The following TMTC2 variants were observed in gnomAD, a reference collection of about 807,000 sequenced individuals.
TMTC2 encodes transmembrane O-mannosyltransferase targeting cadherins 2.
Under a neutral mutation model 82.4 loss-of-function variants are expected in TMTC2, and 43 were observed. That is an observed-to-expected ratio of 0.52 (90% CI 0.41 to 0.67). The LOEUF is 0.67. Among genes scored for constraint, TMTC2 ranks in the 30% least tolerant of loss-of-function variants. TMTC2 has a pLI of 0.00. For synonymous variants in TMTC2, 408 were observed against 381.9 expected (o/e 1.07, Z -0.80); for missense variants, 919 against 1,012.4 (o/e 0.91, Z 1.25).
chr12:82,698,263 A>G (rs184662054), intron 1 of TMTC2, among the ~76,000 whole-genome samples: 47 of 152,308 alleles, frequency 3.1e-4, no homozygotes, highest in East Asian at 1.7e-3. Context: ...TTGTGAACGA[A>G]TGCTGGACCA....
At chr12:82,920,492 G>T (rs1875323218) in intron 3 of TMTC2, among the ~76,000 whole-genome samples, 1 of 152,160 alleles carries the variant, frequency 6.6e-6, no homozygotes, top group South Asian at 2.1e-4. Context: ...ATGGCAGACT[G>T]TGGACTAAGT....
At chr12:82,929,965 T>C in intron 3 of TMTC2, among the ~76,000 whole-genome samples, 1 of 152,360 alleles carries the variant, frequency 6.6e-6, no homozygotes, top group Non-Finnish European at 1.5e-5. Flanking sequence ...AGCTTCTTTA[T>C]AGCTTTGATC....
At chr12:82,903,119 G>A (rs1874108430) in intron 3 of TMTC2, among the ~76,000 whole-genome samples, 1 of 152,042 alleles carries the variant, frequency 6.6e-6, no homozygotes, top group African/African-American at 2.4e-5. Flanking sequence ...GTGTTCTCCT[G>A]GTTATTCTCA....
intron 11 of TMTC2, among the ~76,000 whole-genome samples, chr12:83,114,201 G>A (rs558515641): frequency 6.8e-4 from 104 of 152,204 alleles, no homozygotes; most frequent in Middle Eastern, 6.8e-3. Flanking sequence ...CCTTTGGGAG[G>A]TAATTAGAGT....
chr12:82,732,807 G>A (rs148536753), intron 1 of TMTC2, among the ~76,000 whole-genome samples: 3 of 152,246 alleles, frequency 2.0e-5, no homozygotes, highest in African/African-American at 7.2e-5. Flanking sequence ...AAACATCCTG[G>A]CACCTACCTA....
chr12:82,998,764 T>C (rs896536392), intron 8 of TMTC2, among the ~76,000 whole-genome samples: 2 of 152,190 alleles, frequency 1.3e-5, no homozygotes, highest in Non-Finnish European at 2.9e-5. Context: ...AGTTTTATCT[T>C]ATGAATTTAT....
At chr12:83,018,166 G>A (rs1880763320) in intron 8 of TMTC2, among the ~76,000 whole-genome samples, 1 of 152,036 alleles carries the variant, frequency 6.6e-6, no homozygotes, top group African/African-American at 2.4e-5. Flanking sequence ...GAGGCACTGT[G>A]GTTGCCTTCC....
At chr12:82,810,702 C>T (rs146377194) in intron 1 of TMTC2, among the ~76,000 whole-genome samples, 6 of 152,196 alleles carry the variant, frequency 3.9e-5, no homozygotes, top group East Asian at 3.9e-4. Context: ...ATAATCCCCA[C>T]GTGTCAAGGG....
At position 83,023,255 on chromosome 12, in the gene TMTC2, C is replaced by A. The variant is rs139061522; in HGVS notation, c.2071-7543C>A. ...AATAACATCTCCTTGTATCAATTTG[C>A]ATTTTAGGTAAACCGAATACATGTT... On this transcript the variant is annotated intron_variant, in intron 8 of 11. Transcript: ENST00000321196. Among the ~76,000 whole-genome samples, 351 of 152,256 alleles carry A rather than the reference C, an allele frequency of 2.3e-3. 3 individuals are homozygous for A. The highest frequency in any genetic ancestry group is 8.1e-3 in the African/African-American group (336 of 41,548).
rs563171343 is a variant in TMTC2 at position 82,974,767 on chromosome 12, C to T, written c.1948+7770C>T. 8.5e-5 allele frequency among the ~76,000 whole-genome samples: 13 copies of T among 152,236 alleles called. No homozygotes were observed. In the South Asian group the frequency reaches 2.7e-3, roughly 32 times the overall value. ...ATAGGTTTGATGAAGCATGGACAGC[C>T]TTGTAGAAATGTGATTGGACAAAAG... On this transcript the variant is annotated intron_variant, in intron 7 of 11. Coordinates refer to ENST00000321196, the MANE Select transcript of TMTC2 (RefSeq NM_152588.3).
At chr12:82,746,508 C>T (rs1875700017) in intron 1 of TMTC2, among the ~76,000 whole-genome samples, 1 of 152,154 alleles carries the variant, frequency 6.6e-6, no homozygotes, top group African/African-American at 2.4e-5. Flanking sequence ...GAGGGACATA[C>T]ACCCACATGA....
At chr12:82,978,669 T>C (rs532138032) in intron 7 of TMTC2, among the ~76,000 whole-genome samples, 7 of 151,940 alleles carry the variant, frequency 4.6e-5, no homozygotes, top group African/African-American at 1.7e-4. Context: ...TCTGCAGCCA[T>C]TGCAAGAAAT....
chr12:82,930,696 G>A, intron 4 of TMTC2, 151 bp downstream of exon 4: 1 of 485,296 alleles, frequency 2.1e-6, no homozygotes, highest in African/African-American at 1.9e-5. Flanking sequence ...TTAGGTGGAT[G>A]GTGTTTGTGA....
chr12:82,956,271 G>T (rs10862528), intron 4 of TMTC2, among the ~76,000 whole-genome samples: 92,238 of 151,222 alleles, frequency 0.61, 30,120 homozygotes, highest in South Asian at 0.81. Flanking sequence ...CTTCACTTAG[G>T]CACAGAGTAC....
At chr12:82,965,502 T>A (rs1878153373) in intron 5 of TMTC2, 58 bp from the exon 6 acceptor site, 1 of 1,571,092 alleles carries the variant, frequency 6.4e-7, no homozygotes, top group Admixed American at 1.8e-5. Flanking sequence ...AAGAAAACTT[T>A]ATTTTATTCA....
chr12:82,785,481 T>C (rs897527523), intron 1 of TMTC2, among the ~76,000 whole-genome samples: 5 of 151,936 alleles, frequency 3.3e-5, no homozygotes, highest in African/African-American at 1.2e-4. Flanking sequence ...ACATGACTTT[T>C]ATTTAGTTTA....
chr12:82,821,140 T>A (rs1007209849), intron 1 of TMTC2, among the ~76,000 whole-genome samples: 2 of 152,220 alleles, frequency 1.3e-5, no homozygotes, highest in African/African-American at 4.8e-5. Context: ...ATTATAGGTA[T>A]GAACCACAGT....
intron 1 of TMTC2, among the ~76,000 whole-genome samples, chr12:82,826,703 T>C (rs982931598): frequency 6.6e-6 from 1 of 152,210 alleles, no homozygotes; most frequent in Admixed American, 6.5e-5. Flanking sequence ...TCTTGTTGAA[T>C]GTATGTGGTC....
At chr12:83,108,244 A>G (rs532504250) in intron 11 of TMTC2, among the ~76,000 whole-genome samples, 1 of 152,284 alleles carries the variant, frequency 6.6e-6, no homozygotes, top group South Asian at 2.1e-4. Context: ...CATTAATTAC[A>G]TAGTTCCTTT....
Sources: gnomAD v4.1 joint callset for allele counts (sites outside exome capture counted in the v4.1 genomes callset) on GRCh38, gnomAD v4.1.1 for gene constraint, MANE v1.5 for transcripts, NCBI Gene and HGNC (gene_info 2026-07-23, HGNC 2026-07-21) for gene names.